AGGF1: variants seen among roughly 807,000 people sequenced by gnomAD.
AGGF1 encodes the protein angiogenic factor with G patch and FHA domains 1.
Under a neutral mutation model 86.5 loss-of-function variants are expected in AGGF1, and 56 were observed. The ratio of observed to expected loss-of-function variants is 0.65; its 90% confidence interval spans 0.52 to 0.81. The LOEUF is 0.81. Among genes scored for constraint, AGGF1 ranks in the 30% least tolerant of loss-of-function variants. AGGF1 has a pLI of 0.00. For synonymous variants in AGGF1, 313 were observed against 297.1 expected, an observed-to-expected ratio of 1.05 and a Z score of -0.55; for missense variants, 816 against 850.9, an observed-to-expected ratio of 0.96 and a Z score of 0.51.
intron 11 of AGGF1, among the ~76,000 whole-genome samples, chr5:77,058,158 G>C (rs1248197854): frequency 6.6e-6 from 1 of 152,158 alleles, no homozygotes; most frequent in African/African-American, 2.4e-5. Flanking sequence ...AATCCCAAAA[G>C]CATCTCATTG....
chr5:77,038,719 C>T (rs567109784), intron 4 of AGGF1, among the ~76,000 whole-genome samples: 1 of 152,190 alleles, frequency 6.6e-6, no homozygotes, highest in East Asian at 1.9e-4. Flanking sequence ...TTTAGTTGCT[C>T]AATCTCAGTA....
intron 1 of AGGF1, among the ~76,000 whole-genome samples, chr5:77,031,508 A>G (rs1580120917): frequency 1.3e-5 from 2 of 152,152 alleles, no homozygotes; most frequent in Admixed American, 6.5e-5. Context: ...GTAAGTAGGG[A>G]CGATATATAA....
At chr5:77,056,375 C>T (rs1264104371) in intron 11 of AGGF1, among the ~76,000 whole-genome samples, 2 of 151,492 alleles carry the variant, frequency 1.3e-5, no homozygotes, top group Admixed American at 1.3e-4. Context: ...ATTGCAGGGG[C>T]CCGCCACCAC....
chr5:77,055,673 G>A (rs1747445476), intron 11 of AGGF1, 77 bp downstream of exon 11: 1 of 985,668 alleles, frequency 1.0e-6, no homozygotes, highest in Non-Finnish European at 1.6e-6. Context: ...AATATGCTCA[G>A]TACATTTTAT....
At position 77,046,695 on chromosome 5, in the gene AGGF1, A is replaced by T. The variant is rs769895880; in HGVS notation, c.1201+18A>T. 1 of 1,605,846 alleles carries T rather than the reference A, an allele frequency of 6.2e-7. No homozygotes were observed. The highest frequency in any genetic ancestry group is 8.5e-7 in the Non-Finnish European group (1 of 1,172,758). Reference sequence around the variant, plus strand: ...GGATGAAGGTGAGTAAATAATCATTATTTAAGTAAATAGCCCAGTCTGGTA... The same window carrying T: ...GGATGAAGGTGAGTAAATAATCATTTTTTAAGTAAATAGCCCAGTCTGGTA... On this transcript the variant is annotated intron_variant, in intron 6 of 13. Coordinates refer to ENST00000312916, the MANE Select transcript of AGGF1 (RefSeq NM_018046.5).
At chr5:77,050,585 A>G (rs1434749282) in intron 8 of AGGF1, among the ~76,000 whole-genome samples, 1 of 152,054 alleles carries the variant, frequency 6.6e-6, no homozygotes, top group African/African-American at 2.4e-5. Context: ...CATGTATCCA[A>G]ATAGATGAAA....
chr5:77,038,921 T>C (rs1234313411), intron 4 of AGGF1, among the ~76,000 whole-genome samples: 1 of 152,302 alleles, frequency 6.6e-6, no homozygotes, highest in South Asian at 2.1e-4. Context: ...GTAAGTCTTA[T>C]TTACTATAGA....
At chr5:77,053,380 G>A (rs893809121) in intron 9 of AGGF1, among the ~76,000 whole-genome samples, 7 of 152,260 alleles carry the variant, frequency 4.6e-5, no homozygotes, top group East Asian at 1.9e-4. Context: ...TTAGCTGGGC[G>A]TGGTGGTGTG....
chr5:77,031,810 A>C (rs898707581), intron 1 of AGGF1, among the ~76,000 whole-genome samples: 1 of 152,156 alleles, frequency 6.6e-6, no homozygotes, highest in Admixed American at 6.5e-5. Context: ...AGGCTGAGGC[A>C]GGAGAATTGC....
intron 5 of AGGF1, among the ~76,000 whole-genome samples, chr5:77,044,068 C>A (rs1281335942): frequency 7.5e-6 from 1 of 132,850 alleles, no homozygotes; most frequent in African/African-American, 2.9e-5. Flanking sequence ...GGATGGCGGC[C>A]GGGCGGAGAC....
intron 5 of AGGF1, among the ~76,000 whole-genome samples, chr5:77,040,139 A>G (rs530590347): frequency 8.7e-4 from 127 of 145,246 alleles, no homozygotes; most frequent in African/African-American, 3.1e-3. Flanking sequence ...ACAGAGTTTC[A>G]CTCTTGTTGC....
intron 5 of AGGF1, among the ~76,000 whole-genome samples, chr5:77,043,771 T>C (rs1747190038): frequency 8.3e-6 from 1 of 120,906 alleles, no homozygotes; most frequent in Non-Finnish European, 1.8e-5. Flanking sequence ...GAGAGGCTCC[T>C]CACTTCTCAG....
In AGGF1 at chr5:77,064,458, G is replaced by A. The variant is rs1742752706; in HGVS notation, c.*1206G>A. The A allele has an allele frequency of 6.6e-6, 1 of 152,164 alleles. No individual in the cohort carries two copies. 9.4% of individuals were successfully genotyped at this position (152,164 alleles called of 1,614,324 possible). ...AGTAAAGATAATTCAGAAAGAAAAA[G>A]CTACCTGTTAGAATTTCCAGTCTAA... On this transcript the variant is annotated 3_prime_UTR_variant, in exon 14 of 14. Coordinates refer to ENST00000312916, the MANE Select transcript of AGGF1 (RefSeq NM_018046.5).
chr5:77,056,073 T>C (rs1314925769), intron 11 of AGGF1, among the ~76,000 whole-genome samples: 3 of 152,096 alleles, frequency 2.0e-5, no homozygotes, highest in East Asian at 3.9e-4. Context: ...TAAAGACTTA[T>C]TATAATTAAA....
chr5:77,045,840 T>C (rs1374915967), intron 5 of AGGF1, among the ~76,000 whole-genome samples: 1 of 152,264 alleles, frequency 6.6e-6, no homozygotes, highest in Admixed American at 6.5e-5. Flanking sequence ...CAAACTCAAA[T>C]GTGCTGTTAA....
At chr5:77,031,034 C>G (rs1224162856) in intron 1 of AGGF1, 58 bp downstream of exon 1, 9 of 1,577,356 alleles carry the variant, frequency 5.7e-6, no homozygotes, top group Non-Finnish European at 7.8e-6. Flanking sequence ...CTTCGAAGCC[C>G]GTGATAGCCT....
chr5:77,057,981 A>G (rs953443852), intron 11 of AGGF1, among the ~76,000 whole-genome samples: 3 of 152,198 alleles, frequency 2.0e-5, no homozygotes, highest in African/African-American at 7.2e-5. Flanking sequence ...AGGAAAGCAA[A>G]CTAATGTATT....
At chr5:77,052,856 ATTTT>A in intron 9 of AGGF1, 49 bp downstream of exon 9, 3 of 1,408,564 alleles carry the variant, frequency 2.1e-6, no homozygotes, top group Non-Finnish European at 3.0e-6. Context: ...TTTTAAACTG[ATTTT>A]TTTTTATTTC....
At position 77,030,920 on chromosome 5, in the gene AGGF1, CA is replaced by C. The variant is rs748369891; in HGVS notation, c.155del (p.His52ProfsTer40). 6.2e-7 allele frequency: 1 copy of C among 1,613,248 alleles called. No individual in the cohort carries two copies. Reference sequence around the variant, plus strand: ...GCGGGAGATCGAGAAGCTGCTGCATCACACAGAACGGCTGTACCAGAACGCA... The same window carrying C: ...GCGGGAGATCGAGAAGCTGCTGCATCCACAGAACGGCTGTACCAGAACGCA... ...QVREIEKLLHHTERLYQNAES... is the reference protein window; with the variant it reads ...QVREIEKLLHXTERLYQNAES... On this transcript the variant is annotated frameshift_variant, in exon 1 of 14. Transcript: ENST00000312916. LOFTEE classifies it high-confidence loss of function.
Sources: allele counts gnomAD v4.1 joint callset (sites outside exome capture counted in the v4.1 genomes callset), GRCh38; gene constraint gnomAD v4.1.1; transcripts MANE v1.5; gene names NCBI Gene and HGNC (gene_info 2026-07-23, HGNC 2026-07-21).